C10orf67: variants seen among roughly 807,000 people sequenced by gnomAD.
C10orf67 encodes chromosome 10 open reading frame 67.
A neutral mutation model predicts 35.6 loss-of-function variants in C10orf67; 60 were observed. The ratio of observed to expected loss-of-function variants is 1.68; its 90% CI spans 1.37 to 2.09. C10orf67 has a LOEUF of 2.09. C10orf67 is among the 30% of genes most tolerant of loss of function. C10orf67 has a pLI of 0.00. For synonymous variants in C10orf67, 167 were observed against 115.8 expected, an observed-to-expected ratio of 1.44 and a Z score of -2.84; for missense variants, 474 against 330.2, an observed-to-expected ratio of 1.44 and a Z score of -3.38.
chr10:23,253,438 T>C (rs920082939), intron 10 of C10orf67, among the ~76,000 whole-genome samples: 7 of 152,134 alleles, frequency 4.6e-5, no homozygotes, highest in Non-Finnish European at 7.3e-5. Flanking sequence ...TTCACTGCCA[T>C]TTGATTAACA....
chr10:23,239,785 T>A lies in C10orf67; in HGVS notation c.1378A>T (p.Arg460Trp). ...FHVLKNEMFT[R>W]HTLFRQFAVL... ...GCAAACTGACGAAACAGTGTGTGCC[T>A]TGTAAACATCTCATTCTTAAGGACA... is the stretch of plus-strand genomic sequence containing the variant. Residue 460 changes from arginine to tryptophan, a missense_variant, in exon 13 of 16, where the codon AGG (arginine) becomes TGG (tryptophan). Physicochemically the swap from Arg to Trp is moderately radical, Grantham distance 101. Transcript: ENST00000636213. 1 of 636,388 alleles carries A rather than the reference T, an allele frequency of 1.6e-6. No individual in the cohort carries two copies. The highest frequency in any genetic ancestry group is 1.8e-5 in the South Asian group (1 of 56,014). The allele number at this position is 636,388 out of a possible 1,614,324, so 39.4% of individuals were successfully genotyped here. A position where few individuals can be genotyped will look rare whatever the true frequency, so the allele number is the denominator to read the frequency against.
chr10:23,322,364 A>G (rs1196918914), intron 3 of C10orf67, 30 bp downstream of exon 3: 1 of 1,599,070 alleles, frequency 6.3e-7, no homozygotes, highest in Non-Finnish European at 8.6e-7. Flanking sequence ...ATCAATCCAC[A>G]TAAAACAAAA....
Position 23,203,737 on chromosome 10 carries a change from T to G in C10orf67, c.*436A>C, listed in dbSNP as rs1384141493. 1 of 153,320 alleles carries G rather than the reference T, an allele frequency of 6.5e-6. No homozygotes were observed. The highest frequency in any genetic ancestry group is 1.5e-5 in the Non-Finnish European group (1 of 68,786). The allele number at this position is 153,320 out of a possible 1,614,324, so 9.5% of individuals were successfully genotyped here. A position where few individuals can be genotyped will look rare whatever the true frequency, so the allele number is the denominator to read the frequency against. ...ATGTACGATCTCCCTGTAGTCTTCA[T>G]GACCTACCTTCATGGGGACTAGTTA... is the stretch of plus-strand genomic sequence containing the variant. On this transcript the variant is annotated 3_prime_UTR_variant, in exon 16 of 16. Coordinates refer to ENST00000636213, the MANE Select transcript of C10orf67 (RefSeq NM_001371909.1).
At chr10:23,319,007 C>T (rs939896424) in intron 4 of C10orf67, 4 of 711,838 alleles carry the variant, frequency 5.6e-6, no homozygotes, top group Non-Finnish European at 1.0e-5. Context: ...TTTTTTCTTT[C>T]CAATTTTTGT....
intron 13 of C10orf67, among the ~76,000 whole-genome samples, chr10:23,238,600 C>G (rs1842103493): frequency 6.6e-6 from 1 of 152,098 alleles, no homozygotes. Context: ...CTGGATAATT[C>G]AAATTTGGAC....
chr10:23,277,950 G>T (rs939802967), intron 8 of C10orf67, among the ~76,000 whole-genome samples: 1 of 152,164 alleles, frequency 6.6e-6, no homozygotes, highest in African/African-American at 2.4e-5. Flanking sequence ...AGGTGAAGGG[G>T]GAGCAGGTGT....
At chr10:23,280,118 G>T (rs1276765215) in intron 8 of C10orf67, among the ~76,000 whole-genome samples, 1 of 152,116 alleles carries the variant, frequency 6.6e-6, no homozygotes, top group Non-Finnish European at 1.5e-5. Flanking sequence ...GTCTCCCAAA[G>T]CACTGGGATT....
chr10:23,263,441 G>A (rs1172899184), intron 10 of C10orf67, among the ~76,000 whole-genome samples: 1 of 151,934 alleles, frequency 6.6e-6, no homozygotes, highest in Admixed American at 6.6e-5. Context: ...GGTCATAACT[G>A]CGAAATAGTT....
At chr10:23,217,200 T>C (rs996681270) in intron 15 of C10orf67, among the ~76,000 whole-genome samples, 8 of 152,190 alleles carry the variant, frequency 5.3e-5, no homozygotes, top group Admixed American at 5.2e-4. Flanking sequence ...AAGCCAGGAA[T>C]GTGATAAGCT....
chr10:23,330,455 CCT>C (rs1156832662), intron 2 of C10orf67, among the ~76,000 whole-genome samples: 1 of 150,502 alleles, frequency 6.6e-6, no homozygotes, highest in Non-Finnish European at 1.5e-5. Flanking sequence ...AGAGTGAGAC[CCT>C]GTCTCAAAAA....
intron 5 of C10orf67, among the ~76,000 whole-genome samples, chr10:23,294,925 T>A (rs1408538024): frequency 3.3e-5 from 5 of 152,174 alleles, no homozygotes; most frequent in African/African-American, 1.2e-4. Context: ...TCTTAGAGAA[T>A]GTAGGAAAAA....
At chr10:23,341,681 A>G (rs1441438390) in intron 1 of C10orf67, among the ~76,000 whole-genome samples, 1 of 151,968 alleles carries the variant, frequency 6.6e-6, no homozygotes, top group African/African-American at 2.4e-5. Flanking sequence ...CACCTCCACT[A>G]TTCTCCCTCT....
intron 13 of C10orf67, among the ~76,000 whole-genome samples, chr10:23,229,384 G>C (rs1841840706): frequency 7.2e-6 from 1 of 138,936 alleles, no homozygotes; most frequent in Admixed American, 8.2e-5. Flanking sequence ...ATTGAACAAT[G>C]AGAACACTTG....
At chr10:23,269,792 G>A (rs1270363050) in intron 8 of C10orf67, among the ~76,000 whole-genome samples, 1 of 151,612 alleles carries the variant, frequency 6.6e-6, no homozygotes, top group Non-Finnish European at 1.5e-5. Context: ...GCTAAAGAAA[G>A]ACATATAATG....
At chr10:23,324,117 A>G (rs145875075) in intron 2 of C10orf67, among the ~76,000 whole-genome samples, 7 of 150,780 alleles carry the variant, frequency 4.6e-5, no homozygotes, top group African/African-American at 1.7e-4. Context: ...GCAACAAGGC[A>G]GCAGTGATAG....
chr10:23,242,152 A>G (rs1176298633), intron 12 of C10orf67, among the ~76,000 whole-genome samples: 1 of 152,022 alleles, frequency 6.6e-6, no homozygotes, highest in Non-Finnish European at 1.5e-5. Context: ...TTGTATTTTT[A>G]GTAGAGATGG....
At chr10:23,249,595 A>G (rs1842399499) in intron 12 of C10orf67, among the ~76,000 whole-genome samples, 1 of 152,202 alleles carries the variant, frequency 6.6e-6, no homozygotes, top group South Asian at 2.1e-4. Context: ...AGGATGAATT[A>G]TTTCCATAGA....
rs137983793 is a variant in C10orf67 at position 23,323,894 on chromosome 10, A to AATAT, written c.328-1361_328-1358dup. Among the ~76,000 whole-genome samples, 119 of 42,706 alleles carry AATAT rather than the reference A, an allele frequency of 2.8e-3. 3 individuals are homozygous for AATAT. Among genetic ancestry groups the AATAT allele is most frequent in the Non-Finnish European group, 5.0e-3 (84 of 16,872 alleles). The allele number at this position is 42,706 out of a possible 152,430, so 28.0% of individuals were successfully genotyped here. A position where few individuals can be genotyped will look rare whatever the true frequency, so the allele number is the denominator to read the frequency against. On this transcript the variant is annotated intron_variant, in intron 2 of 15. Transcript: ENST00000636213. ...GGGCAGCAGAGCAAGACTCCGTCTA[A>AATAT]ATATATATATATATATATATATATA...
chr10:23,314,523 CACACAA>C (rs1198505501), intron 4 of C10orf67, among the ~76,000 whole-genome samples: 1 of 149,012 alleles, frequency 6.7e-6, no homozygotes, highest in Admixed American at 6.7e-5. Flanking sequence ...CACACACACA[CACACAA>C]ACTTATTATC....
Sources: allele counts gnomAD v4.1 joint callset (sites outside exome capture counted in the v4.1 genomes callset), GRCh38; gene constraint gnomAD v4.1.1; transcripts MANE v1.5; gene names NCBI Gene and HGNC (gene_info 2026-07-23, HGNC 2026-07-21).